The following DPYD variants were observed in gnomAD, a reference collection of about 807,000 sequenced individuals.
The protein encoded by DPYD is dihydropyrimidine dehydrogenase [NADP(+)].
A neutral mutation model predicts 116.2 loss-of-function variants in DPYD; 109 were observed. That is an observed-to-expected ratio of 0.94 (90% CI 0.80 to 1.10). The LOEUF (loss-of-function observed/expected upper bound fraction) is 1.10, where lower values mean the gene tolerates loss of function less well. Ranked by LOEUF, DPYD falls within the 50% of genes least tolerant of loss-of-function variation. The pLI is 0.00. For missense variants in DPYD, 1,302 were observed against 1,254.5 expected (o/e 1.04, Z -0.57); for synonymous variants, 440 against 432.0 (o/e 1.02, Z -0.23).
chr1:97,740,125 A>G (rs987034396), intron 4 of DPYD, among the ~76,000 whole-genome samples: 18 of 152,150 alleles, frequency 1.2e-4, no homozygotes, highest in African/African-American at 4.3e-4. Context: ...ACTAAAATCA[A>G]TCTTTTCAGT....
chr1:97,226,554 C>A (rs1213471126), intron 19 of DPYD, among the ~76,000 whole-genome samples: 2 of 151,858 alleles, frequency 1.3e-5, no homozygotes, highest in East Asian at 1.9e-4. Flanking sequence ...AATTCACATG[C>A]AAAAATTAGT....
chr1:97,857,879 A>C (rs1013538695), intron 2 of DPYD, among the ~76,000 whole-genome samples: 1 of 151,818 alleles, frequency 6.6e-6, no homozygotes, highest in Admixed American at 6.6e-5. Context: ...GCAATCTAAC[A>C]CTATCTCCAG....
intron 21 of DPYD, among the ~76,000 whole-genome samples, chr1:97,085,334 G>A (rs913012731): frequency 6.6e-6 from 1 of 152,134 alleles, no homozygotes. Context: ...GAAATTTTAC[G>A]TGGAGCAAGT....
At chr1:97,610,899 G>A (rs541967855) in intron 8 of DPYD, among the ~76,000 whole-genome samples, 12 of 152,054 alleles carry the variant, frequency 7.9e-5, no homozygotes, top group Admixed American at 6.6e-4. Context: ...TAACCGTGAT[G>A]TCAGAAAGAG....
intron 16 of DPYD, among the ~76,000 whole-genome samples, chr1:97,361,134 T>C (rs1410168443): frequency 6.6e-6 from 1 of 151,862 alleles, no homozygotes; most frequent in Non-Finnish European, 1.5e-5. Flanking sequence ...TCACCACGGA[T>C]CCCACAGAAA....
At chr1:97,383,420 G>A (rs1407122301) in intron 14 of DPYD, among the ~76,000 whole-genome samples, 6 of 149,288 alleles carry the variant, frequency 4.0e-5, no homozygotes, top group African/African-American at 1.5e-4. Flanking sequence ...AAGTTGCAGT[G>A]AGCCAAGATT....
intron 2 of DPYD, among the ~76,000 whole-genome samples, chr1:97,832,045 T>TTTG (rs373676873): frequency 7.5e-5 from 10 of 134,014 alleles, no homozygotes; most frequent in Admixed American, 6.3e-4. Context: ...ATATAATGTA[T>TTTG]TGTGTGTGTG....
intron 1 of DPYD, among the ~76,000 whole-genome samples, chr1:97,885,778 G>A (rs916019992): frequency 2.6e-5 from 4 of 152,004 alleles, no homozygotes; most frequent in South Asian, 2.1e-4. Context: ...CTGAGTATGG[G>A]ACTTATATTG....
chr1:97,913,975 G>A (rs1180482366), intron 1 of DPYD, among the ~76,000 whole-genome samples: 1 of 151,998 alleles, frequency 6.6e-6, no homozygotes, highest in Non-Finnish European at 1.5e-5. Flanking sequence ...TATTGATGAA[G>A]AGATTTTTCT....
intron 5 of DPYD, 60 bp from the exon 6 acceptor site, chr1:97,699,607 A>G: frequency 6.6e-7 from 1 of 1,504,362 alleles, no homozygotes; most frequent in Non-Finnish European, 9.2e-7. Flanking sequence ...CCTCAAACAT[A>G]TTTTTAATGT....
At chr1:97,486,413 T>C (rs4949955) in intron 13 of DPYD, among the ~76,000 whole-genome samples, 1 of 151,948 alleles carries the variant, frequency 6.6e-6, no homozygotes, top group African/African-American at 2.4e-5. Context: ...TCCAAAACTT[T>C]ATGACAGATC....
chr1:97,685,383 A>G (rs1252001622), intron 7 of DPYD, among the ~76,000 whole-genome samples: 2 of 152,208 alleles, frequency 1.3e-5, no homozygotes, highest in Non-Finnish European at 2.9e-5. Flanking sequence ...CACAGCCAAT[A>G]TCATACCAAA....
At chr1:97,145,694 C>A (rs752360178) in intron 20 of DPYD, among the ~76,000 whole-genome samples, 1 of 151,264 alleles carries the variant, frequency 6.6e-6, no homozygotes, top group Admixed American at 6.6e-5. Flanking sequence ...ATAACCAGGC[C>A]GTTTTCCTAA....
chr1:97,306,416 A>G, intron 16 of DPYD, 119 bp from the exon 17 acceptor site: 6 of 1,328,720 alleles, frequency 4.5e-6, no homozygotes, highest in Non-Finnish European at 6.4e-6. Flanking sequence ...AATGAGCTAC[A>G]TGATATATTT....
chr1:97,780,283 G>T (rs975257667), intron 3 of DPYD, among the ~76,000 whole-genome samples: 1 of 152,144 alleles, frequency 6.6e-6, no homozygotes, highest in Admixed American at 6.5e-5. Context: ...AACAAATAAA[G>T]GCTATGATTA....
intron 8 of DPYD, among the ~76,000 whole-genome samples, chr1:97,633,077 A>C (rs1383211209): frequency 1.3e-5 from 2 of 152,154 alleles, no homozygotes; most frequent in Non-Finnish European, 1.5e-5. Flanking sequence ...TTTTCCTGCT[A>C]ATCACATGCT....
At chr1:97,741,909 C>A (rs545806079) in intron 3 of DPYD, among the ~76,000 whole-genome samples, 1 of 152,000 alleles carries the variant, frequency 6.6e-6, no homozygotes, top group African/African-American at 2.4e-5. Context: ...GCTTGAAGAA[C>A]GAGTGGACAT....
At position 97,401,997 on chromosome 1, in the gene DPYD, A is replaced by G. The variant is rs185595110; in HGVS notation, c.1906-19536T>C. Among the ~76,000 whole-genome samples, 890 of 152,168 alleles carry G rather than the reference A, an allele frequency of 5.8e-3. 4 individuals carry two copies. The highest frequency in any genetic ancestry group is 0.011 in the Non-Finnish European group (716 of 67,984). Reference sequence around the variant, plus strand: ...AATTGATCTATTTGTCTATTCTTTAACCAATATTACACTGTCAGATTACTG... The same window carrying G: ...AATTGATCTATTTGTCTATTCTTTAGCCAATATTACACTGTCAGATTACTG... On this transcript the variant is annotated intron_variant, in intron 14 of 22. Transcript: ENST00000370192.
chr1:97,431,192 C>T (rs1303589578), intron 14 of DPYD, among the ~76,000 whole-genome samples: 2 of 152,020 alleles, frequency 1.3e-5, no homozygotes, highest in Non-Finnish European at 2.9e-5. Flanking sequence ...AAACAGACTC[C>T]ATCTGTCTTG....
Sources: gnomAD v4.1 joint callset for allele counts (sites outside exome capture counted in the v4.1 genomes callset) on GRCh38, gnomAD v4.1.1 for gene constraint, MANE v1.5 for transcripts, NCBI Gene and HGNC (gene_info 2026-07-23, HGNC 2026-07-21) for gene names.